The following NFASC variants were observed in gnomAD, a reference collection of about 807,000 sequenced individuals.
NFASC encodes neurofascin homolog.
Under a neutral mutation model 147.5 loss-of-function variants are expected in NFASC, and 43 were observed. That is an observed-to-expected ratio of 0.29 (90% confidence interval 0.23 to 0.38). The LOEUF (loss-of-function observed/expected upper bound fraction) is 0.38, where lower values mean the gene tolerates loss of function less well. Ranked by LOEUF, NFASC falls within the 10% of genes least tolerant of loss-of-function variation. NFASC has a pLI of 1.00. For missense variants in NFASC, 1,320 were observed against 1,689.0 expected (o/e 0.78, Z 3.83); for synonymous variants, 622 against 665.5 (o/e 0.93, Z 1.01).
At chr1:204,845,845 C>A (rs568348111) in intron 1 of NFASC, among the ~76,000 whole-genome samples, 1 of 149,856 alleles carries the variant, frequency 6.7e-6, no homozygotes, top group Non-Finnish European at 1.5e-5. Flanking sequence ...CAGGTCACAG[C>A]GAGCTATGAT....
chr1:204,921,962 T>C (rs1034527238), intron 2 of NFASC, among the ~76,000 whole-genome samples: 1 of 152,214 alleles, frequency 6.6e-6, no homozygotes, highest in Non-Finnish European at 1.5e-5. Flanking sequence ...TTTTTCACCC[T>C]GTCATTGTTA....
Position 204,975,119 on chromosome 1 carries a change from G to A in NFASC, c.1559-152G>A, listed in dbSNP as rs115142425. ...ATCTGCTTTGGGGATTACCCACCCA[G>A]AACTCTGCTCCGTTCATACCATAGC... is the stretch of plus-strand genomic sequence containing the variant. On this transcript the variant is annotated intron_variant, in intron 14 of 29. Coordinates refer to ENST00000339876, the MANE Select transcript of NFASC (RefSeq NM_001005388.3). The surrounding 1 kb of genome is among the most constrained non-coding windows in gnomAD (Gnocchi z 4.0). 7.4e-3 allele frequency: 6,234 copies of A among 840,552 alleles called. 43 individuals are homozygous for A. The highest frequency in any genetic ancestry group is 0.017 in the South Asian group (985 of 56,840). 52.1% of individuals were successfully genotyped at this position (840,552 alleles called of 1,614,324 possible). A position where few individuals can be genotyped will look rare whatever the true frequency, so the allele number is the denominator to read the frequency against.
At position 205,002,840 on chromosome 1, in the gene NFASC, A is replaced by C; in HGVS notation, c.3289+92A>C. The C allele has an allele frequency of 5.8e-6, 6 of 1,027,244 alleles. No homozygotes were observed. In the South Asian group the frequency reaches 1.7e-4, roughly 29 times the overall value. 63.6% of individuals were successfully genotyped at this position (1,027,244 alleles called of 1,614,324 possible). ...CTGCTTGCCTCTCTCCTCGGAAAGAAGACTCATCCCCCACCCCATTTCCCA... is the reference window on the plus strand; with the variant it reads ...CTGCTTGCCTCTCTCCTCGGAAAGACGACTCATCCCCCACCCCATTTCCCA... On this transcript the variant is annotated intron_variant, in intron 27 of 29. Coordinates refer to ENST00000339876, the MANE Select transcript of NFASC (RefSeq NM_001005388.3).
intron 2 of NFASC, among the ~76,000 whole-genome samples, chr1:204,924,706 A>G (rs1367858449): frequency 6.6e-6 from 1 of 152,242 alleles, no homozygotes; most frequent in Non-Finnish European, 1.5e-5. Flanking sequence ...AGAGTAAACA[A>G]TAATTCCTTA....
At chr1:204,962,628 C>T (rs1053330122) in intron 8 of NFASC, among the ~76,000 whole-genome samples, 29 of 152,156 alleles carry the variant, frequency 1.9e-4, no homozygotes, top group African/African-American at 6.3e-4. Context: ...TGTAATCTCA[C>T]CTTAGTTACC....
chr1:204,831,518 C>T (rs1362819265), intron 1 of NFASC, among the ~76,000 whole-genome samples: 1 of 151,904 alleles, frequency 6.6e-6, no homozygotes, highest in African/African-American at 2.4e-5. Context: ...TATATTGCAA[C>T]TTGTTTCCTA....
intron 2 of NFASC, among the ~76,000 whole-genome samples, chr1:204,938,361 C>T (rs2093054507): frequency 6.6e-6 from 1 of 152,218 alleles, no homozygotes; most frequent in South Asian, 2.1e-4. Flanking sequence ...TCAGGGGCAG[C>T]AGCTGACATT....
intron 3 of NFASC, among the ~76,000 whole-genome samples, chr1:204,949,702 C>T (rs974697529): frequency 6.6e-6 from 1 of 152,182 alleles, no homozygotes; most frequent in Admixed American, 6.5e-5. Context: ...GTCCCAGGCC[C>T]CACCCCAGCC....
intron 25 of NFASC, chr1:205,000,873 T>C: frequency 2.2e-6 from 1 of 451,628 alleles, no homozygotes; most frequent in Admixed American, 3.9e-5. Context: ...TTCCTAACGC[T>C]ACCTATGTGG....
chr1:204,986,224 GC>G lies in NFASC; in HGVS notation c.2471-1193del. 3 of 771,940 alleles carry G rather than the reference GC, an allele frequency of 3.9e-6. No individual in the cohort carries two copies. Among genetic ancestry groups the G allele is most frequent in the Non-Finnish European group, 6.5e-6 (3 of 458,510 alleles). 47.8% of individuals were successfully genotyped at this position (771,940 alleles called of 1,614,324 possible). A position where few individuals can be genotyped will look rare whatever the true frequency, so the allele number is the denominator to read the frequency against. ...GCATGGATGGCACAAGGTGACTTCTGCGAGGCCTCCAGGAGCGGATGACCTG... is the reference window on the plus strand; with the variant it reads ...GCATGGATGGCACAAGGTGACTTCTGGAGGCCTCCAGGAGCGGATGACCTG... On this transcript the variant is annotated intron_variant, in intron 21 of 29. Transcript: ENST00000339876. The surrounding 1 kb of genome is among the most constrained non-coding windows in gnomAD (Gnocchi z 4.2).
chr1:204,952,075 C>T lies in NFASC; in HGVS notation c.174C>T (p.Asn58=), dbSNP rs938093476. ...ATCACATCGTGGACCCCCGTGATAA[C>T]ATCCTGATTGAGTGTGAAGCAAAAG... ...AKDHIVDPRD[N]ILIECEAKGN... The change falls in exon 5 of 30, where the codon AAC becomes AAT. Residue 58 remains asparagine, a synonymous_variant. Coordinates refer to ENST00000339876, the MANE Select transcript of NFASC (RefSeq NM_001005388.3). 1.9e-6 allele frequency: 3 copies of T among 1,614,056 alleles called. No homozygotes were observed. Among genetic ancestry groups the T allele is most frequent in the Middle Eastern group, 1.6e-4 (1 of 6,084 alleles).
At chr1:204,874,765 A>G (rs1413451152) in intron 1 of NFASC, among the ~76,000 whole-genome samples, 3 of 152,092 alleles carry the variant, frequency 2.0e-5, no homozygotes, top group African/African-American at 7.2e-5. Flanking sequence ...CATTTAAAGG[A>G]GGGCCCGGTG....
In NFASC at chr1:204,973,431, C is replaced by T; in HGVS notation, c.1279+12C>T. The T allele has an allele frequency of 1.2e-6, 2 of 1,613,978 alleles. No homozygotes were observed. The highest frequency in any genetic ancestry group is 1.1e-5 in the South Asian group (1 of 91,042). On this transcript the variant is annotated intron_variant, in intron 12 of 29. Transcript: ENST00000339876. ...TGTCAGTGTGCTGGGTGAGTGTGCC[C>T]TTCGCAGCCTGTTTCCCCCTCCTCT...
chr1:204,873,294 G>T (rs974319240), intron 1 of NFASC, among the ~76,000 whole-genome samples: 1 of 152,188 alleles, frequency 6.6e-6, no homozygotes, highest in Non-Finnish European at 1.5e-5. Context: ...GGCCAGCAGT[G>T]GTCTGCCATG....
chr1:204,914,775 A>G (rs1331007339), intron 1 of NFASC, among the ~76,000 whole-genome samples: 1 of 152,226 alleles, frequency 6.6e-6, no homozygotes, highest in Non-Finnish European at 1.5e-5. Context: ...ATGGAGAGCA[A>G]CTTGGCTGCA....
At chr1:204,995,507 C>T (rs924350739) in intron 24 of NFASC, among the ~76,000 whole-genome samples, 4 of 152,060 alleles carry the variant, frequency 2.6e-5, no homozygotes, top group Non-Finnish European at 4.4e-5. Context: ...CCCCTCCGCA[C>T]GCCGCCCTGA....
At chr1:205,002,462 A>G (rs2096009299) in intron 26 of NFASC, 134 bp from the exon 27 acceptor site, 2 of 607,866 alleles carry the variant, frequency 3.3e-6, no homozygotes, top group Non-Finnish European at 5.2e-6. Flanking sequence ...CCTGGTCTGT[A>G]TGGTGGACTG....
At chr1:204,841,596 C>T (rs1205497071) in intron 1 of NFASC, among the ~76,000 whole-genome samples, 1 of 152,112 alleles carries the variant, frequency 6.6e-6, no homozygotes, top group Non-Finnish European at 1.5e-5. Context: ...AGAATCACCA[C>T]CTGCCACCAC....
In NFASC at chr1:204,975,562, G is replaced by A; in HGVS notation, c.1706+144G>A. The A allele has an allele frequency of 4.4e-6, 5 of 1,145,544 alleles. No individual in the cohort carries two copies. In the East Asian group the frequency reaches 1.2e-4, roughly 28 times the overall value. 71.0% of individuals were successfully genotyped at this position (1,145,544 alleles called of 1,614,324 possible). A position where few individuals can be genotyped will look rare whatever the true frequency, so the allele number is the denominator to read the frequency against. ...AGGAGCTTCTGCAGAGGGGGTGATG[G>A]CCTGGGCAACTCCCCTGCTTCAGGG... On this transcript the variant is annotated intron_variant, in intron 15 of 29. Coordinates refer to ENST00000339876, the MANE Select transcript of NFASC (RefSeq NM_001005388.3). This position sits in a 1 kb window ranked among gnomAD's most constrained non-coding sequence, Gnocchi z 4.0.
Sources: gnomAD v4.1 joint callset for allele counts (sites outside exome capture counted in the v4.1 genomes callset) on GRCh38, gnomAD v4.1.1 for gene constraint, Gnocchi (gnomAD v3.1) non-coding constraint, MANE v1.5 for transcripts, NCBI Gene and HGNC (gene_info 2026-07-23, HGNC 2026-07-21) for gene names.